The following ADAM29 variants were observed in gnomAD, a reference collection of about 807,000 sequenced individuals.
ADAM29 encodes the protein disintegrin and metalloproteinase domain-containing protein 29.
For missense variants in ADAM29, 969 were observed against 1,001.8 expected (o/e 0.97, Z 0.44); for synonymous variants, 367 against 342.3 (o/e 1.07, Z -0.80).
chr4:174,942,594 T>C (rs1438572006), intron 4 of ADAM29, among the ~76,000 whole-genome samples: 2 of 152,088 alleles, frequency 1.3e-5, no homozygotes, highest in African/African-American at 2.4e-5. Flanking sequence ...CAGAGCACCA[T>C]CTCCTGAGGC....
chr4:174,969,467 A>T (rs538503595), intron 4 of ADAM29, among the ~76,000 whole-genome samples: 95 of 152,082 alleles, frequency 6.2e-4, no homozygotes, highest in African/African-American at 2.2e-3. Flanking sequence ...TATTTGAAAA[A>T]AATTTTTAGA....
chr4:174,930,711 T>A (rs1743811943), intron 2 of ADAM29, among the ~76,000 whole-genome samples: 1 of 152,188 alleles, frequency 6.6e-6, no homozygotes, highest in Non-Finnish European at 1.5e-5. Context: ...AAATTGTACT[T>A]TGAAAATATA....
Position 174,976,264 on chromosome 4 carries a change from G to A in ADAM29, c.739G>A (p.Gly247Ser). The change falls in exon 5 of 5, where the codon GGT (glycine) becomes AGT (serine). Residue 247 changes from glycine to serine, a missense_variant. Transcript: ENST00000359240. The part of the protein sequence containing the change: ...DVIGVKVLLF[G>S]LEIWTNKNLI... ...CATTGGTGTTAAGGTGTTATTATTT[G>A]GTTTGGAGATCTGGACCAATAAAAA... 2 of 1,609,756 alleles carry A rather than the reference G, an allele frequency of 1.2e-6. No individual in the cohort carries two copies. Among genetic ancestry groups the A allele is most frequent in the Non-Finnish European group, 1.7e-6 (2 of 1,178,586 alleles).
intron 4 of ADAM29, among the ~76,000 whole-genome samples, chr4:174,958,350 C>T (rs965848627): frequency 2.6e-5 from 4 of 151,682 alleles, no homozygotes; most frequent in Non-Finnish European, 5.9e-5. Flanking sequence ...AGGTACATAC[C>T]AGTTAAGGTT....
Position 174,950,236 on chromosome 4 carries a change from T to C in ADAM29, c.-181+13223T>C, listed in dbSNP as rs909998162. ...TCATTTATATGTTCATGTCTCTCAA[T>C]CCCATTCTTTATAGGTAAGCACCAG... is the stretch of plus-strand genomic sequence containing the variant. On this transcript the variant is annotated intron_variant, in intron 4 of 4. Transcript: ENST00000359240. Among the ~76,000 whole-genome samples the C allele has an allele frequency of 5.9e-5, 9 of 152,298 alleles. No homozygotes were observed. The East Asian group carries it at 1.7e-3, about 29-fold the overall frequency.
At chr4:174,925,431 T>A (rs1253330631) in intron 2 of ADAM29, among the ~76,000 whole-genome samples, 1 of 152,186 alleles carries the variant, frequency 6.6e-6, no homozygotes, top group African/African-American at 2.4e-5. Context: ...ATATTTAAAA[T>A]GTCATGACCA....
intron 4 of ADAM29, among the ~76,000 whole-genome samples, chr4:174,949,532 G>T (rs1210855063): frequency 2.6e-5 from 4 of 152,070 alleles, no homozygotes; most frequent in Non-Finnish European, 5.9e-5. Flanking sequence ...TGGGGGCCAG[G>T]AATGAGTCCT....
intron 3 of ADAM29, among the ~76,000 whole-genome samples, chr4:174,933,488 C>A (rs1165401682): frequency 6.6e-6 from 1 of 151,748 alleles, no homozygotes; most frequent in African/African-American, 2.4e-5. Flanking sequence ...AAAAAAAAAA[C>A]TTTTAGGTTC....
intron 4 of ADAM29, among the ~76,000 whole-genome samples, chr4:174,960,761 G>GT (rs1179346488): frequency 6.6e-5 from 10 of 152,158 alleles, no homozygotes; most frequent in African/African-American, 2.4e-4. Context: ...GGAGGGCATT[G>GT]TTTTGCACTA....
chr4:174,923,525 GTATATATATATATATATATA>G lies in ADAM29; in HGVS notation c.-451+2750_-451+2769del, dbSNP rs58980378. 4.0e-4 allele frequency among the ~76,000 whole-genome samples: 39 copies of G among 96,692 alleles called. 1 individual carries two copies. In the South Asian group the frequency reaches 0.013, roughly 31 times the overall value. The allele number at this position is 96,692 out of a possible 152,430, so 63.4% of individuals were successfully genotyped here. A position where few individuals can be genotyped will look rare whatever the true frequency, so the allele number is the denominator to read the frequency against. On this transcript the variant is annotated intron_variant, in intron 2 of 4. Transcript: ENST00000359240. The stretch of plus-strand genomic sequence containing the variant: ...ATCCCCTATATACTGTGCATTATAT[GTATATATATATATATATATA>G]TATATATATATATATACACACACAC...
intron 4 of ADAM29, among the ~76,000 whole-genome samples, chr4:174,941,876 T>A (rs1039421562): frequency 3.3e-5 from 5 of 152,262 alleles, no homozygotes; most frequent in Admixed American, 2.0e-4. Context: ...CTTTTGCATA[T>A]GAGCCTGCAA....
At chr4:174,924,718 C>T (rs6827315) in intron 2 of ADAM29, among the ~76,000 whole-genome samples, 30,523 of 152,014 alleles carry the variant, frequency 0.2, 4,035 homozygotes, top group African/African-American at 0.37. Context: ...GAAAAGGCTA[C>T]ATGGTATATC....
At chr4:174,965,484 C>CATCTATCT (rs60063978) in intron 4 of ADAM29, among the ~76,000 whole-genome samples, 31,516 of 147,014 alleles carry the variant, frequency 0.21, 3,536 homozygotes, top group Non-Finnish European at 0.24. Context: ...CTCTATCTAT[C>CATCTATCT]ATCTATCTAT....
chr4:174,935,809 A>G (rs1257681866), intron 3 of ADAM29, among the ~76,000 whole-genome samples: 1 of 152,060 alleles, frequency 6.6e-6, no homozygotes, highest in African/African-American at 2.4e-5. Flanking sequence ...TGAGTCAGCA[A>G]TTTGGGGTTT....
At chr4:174,948,649 T>C (rs773382004) in intron 4 of ADAM29, among the ~76,000 whole-genome samples, 1 of 152,170 alleles carries the variant, frequency 6.6e-6, no homozygotes, top group Non-Finnish European at 1.5e-5. Flanking sequence ...TGCTCACATG[T>C]GCCAGCAGCT....
chr4:174,929,845 C>A (rs1743753974), intron 2 of ADAM29, among the ~76,000 whole-genome samples: 1 of 151,416 alleles, frequency 6.6e-6, no homozygotes, highest in African/African-American at 2.4e-5. Flanking sequence ...CAATCTCTGT[C>A]TCCTGGGTTC....
At chr4:174,972,401 G>C (rs1472352191) in intron 4 of ADAM29, among the ~76,000 whole-genome samples, 1 of 152,144 alleles carries the variant, frequency 6.6e-6, no homozygotes, top group East Asian at 1.9e-4. Flanking sequence ...AGAAGCAGGT[G>C]TGATTTTTGT....
At chr4:174,930,050 T>A (rs1743768643) in intron 2 of ADAM29, among the ~76,000 whole-genome samples, 1 of 152,148 alleles carries the variant, frequency 6.6e-6, no homozygotes, top group African/African-American at 2.4e-5. Flanking sequence ...TGCCTCAGCC[T>A]CCCGAGTAGC....
Position 174,936,988 on chromosome 4 carries a change from TA to T in ADAM29, c.-201del, listed in dbSNP as rs764187005. 6.6e-6 allele frequency: 1 copy of T among 152,044 alleles called. No individual in the cohort carries two copies. The highest frequency in any genetic ancestry group is 6.6e-5 in the Admixed American group (1 of 15,258). The allele number at this position is 152,044 out of a possible 1,614,324, so 9.4% of individuals were successfully genotyped here. On this transcript the variant is annotated 5_prime_UTR_variant, in exon 4 of 5. Coordinates refer to ENST00000359240, the MANE Select transcript of ADAM29 (RefSeq NM_014269.4). ...AGAATCAATGCCAGATTCTCTTCTCTAAAAATAATCAATTTGTTACTACAGG... is the reference window on the plus strand; with the variant it reads ...AGAATCAATGCCAGATTCTCTTCTCTAAAATAATCAATTTGTTACTACAGG...
Sources: gnomAD v4.1 joint callset for allele counts (sites outside exome capture counted in the v4.1 genomes callset) on GRCh38, gnomAD v4.1.1 for gene constraint, MANE v1.5 for transcripts, NCBI Gene and HGNC (gene_info 2026-07-23, HGNC 2026-07-21) for gene names.